The following ROBO1 variants were observed in gnomAD, a reference collection of about 807,000 sequenced individuals.
The protein encoded by ROBO1 is roundabout guidance receptor 1.
Under a neutral mutation model 195.9 loss-of-function variants are expected in ROBO1, and 149 were observed. The observed-to-expected ratio is 0.76, with a 90% CI of 0.67 to 0.87. ROBO1 has a LOEUF of 0.87. Ranked by LOEUF, ROBO1 falls within the 40% of genes least tolerant of loss-of-function variation. The probability of loss-of-function intolerance (pLI) is 0.00; values close to 1 mark genes in which losing one functional copy is unlikely to be tolerated. For synonymous variants in ROBO1, 816 were observed against 733.2 expected (o/e 1.11, Z -1.82); for missense variants, 1,933 against 2,068.3 (o/e 0.93, Z 1.27).
chr3:79,759,952 T>C (rs1207221881), intron 1 of ROBO1, among the ~76,000 whole-genome samples: 2 of 151,796 alleles, frequency 1.3e-5, no homozygotes, highest in East Asian at 3.9e-4. Flanking sequence ...AAAGCAAAAC[T>C]GAGGCGGGGA....
intron 2 of ROBO1, among the ~76,000 whole-genome samples, chr3:79,362,281 T>G (rs2035800786): frequency 6.6e-6 from 1 of 152,136 alleles, no homozygotes; most frequent in Non-Finnish European, 1.5e-5. Context: ...AAGTGCATTT[T>G]CAGTGTCAGG....
intron 4 of ROBO1, chr3:78,937,954 A>T (rs908986907): frequency 1.3e-5 from 2 of 151,320 alleles, no homozygotes; most frequent in Non-Finnish European, 2.9e-5. Context: ...TTTATAGACA[A>T]ATTCTCATAT....
chr3:79,397,654 C>T (rs546882637), intron 2 of ROBO1, among the ~76,000 whole-genome samples: 5 of 152,172 alleles, frequency 3.3e-5, no homozygotes, highest in South Asian at 2.1e-4. Flanking sequence ...CCTATGCAAC[C>T]GATAAGCCTG....
At chr3:79,432,231 A>G (rs115153932) in intron 2 of ROBO1, among the ~76,000 whole-genome samples, 1,617 of 152,182 alleles carry the variant, frequency 0.011, 30 homozygotes, top group African/African-American at 0.037. Flanking sequence ...TCAAGACAAG[A>G]CCCAGGTATA....
intron 4 of ROBO1, among the ~76,000 whole-genome samples, chr3:78,779,902 A>G (rs1254555367): frequency 6.6e-6 from 1 of 152,242 alleles, no homozygotes; most frequent in Middle Eastern, 3.2e-3. Context: ...TGGCACATAT[A>G]CACCATGGAA....
At chr3:78,860,458 C>G (rs916526680) in intron 4 of ROBO1, among the ~76,000 whole-genome samples, 1 of 151,244 alleles carries the variant, frequency 6.6e-6, no homozygotes, top group Non-Finnish European at 1.5e-5. Context: ...TCAGAGGAAA[C>G]ATGGATTTTT....
intron 3 of ROBO1, chr3:79,019,153 G>C (rs371486183): frequency 6.1e-6 from 6 of 986,426 alleles, no homozygotes; most frequent in Admixed American, 6.1e-5. Flanking sequence ...GCGGACACTC[G>C]CACGTCTTCT....
intron 10 of ROBO1, among the ~76,000 whole-genome samples, chr3:78,681,428 C>T (rs2107795436): frequency 6.6e-6 from 1 of 152,240 alleles, no homozygotes; most frequent in East Asian, 1.9e-4. Flanking sequence ...TAGGTCCTGC[C>T]TTCATGGAAC....
At chr3:79,555,014 A>G (rs1183452317) in intron 2 of ROBO1, among the ~76,000 whole-genome samples, 1 of 152,078 alleles carries the variant, frequency 6.6e-6, no homozygotes, top group Non-Finnish European at 1.5e-5. Flanking sequence ...GTAGAGAAAA[A>G]TGTTGAGGTA....
intron 4 of ROBO1, among the ~76,000 whole-genome samples, chr3:78,934,490 C>A (rs2039693348): frequency 6.6e-6 from 1 of 151,660 alleles, no homozygotes; most frequent in African/African-American, 2.4e-5. Context: ...TTTAAAAGAT[C>A]CAATATAAAG....
chr3:79,071,620 T>C (rs965726836), intron 3 of ROBO1, among the ~76,000 whole-genome samples: 1 of 151,732 alleles, frequency 6.6e-6, no homozygotes, highest in African/African-American at 2.4e-5. Context: ...GTGGTTATTT[T>C]TTTAAAAAAT....
intron 3 of ROBO1, among the ~76,000 whole-genome samples, chr3:79,099,640 TATAG>T (rs1309135325): frequency 6.6e-6 from 1 of 151,658 alleles, no homozygotes; most frequent in East Asian, 1.9e-4. Flanking sequence ...CTTTGAAAAA[TATAG>T]ATATATTTCC....
intron 4 of ROBO1, among the ~76,000 whole-genome samples, chr3:78,809,733 CACAGAA>C (rs1271050149): frequency 2.6e-5 from 4 of 152,112 alleles, no homozygotes; most frequent in Admixed American, 6.5e-5. Context: ...AGCAAACTAA[CACAGAA>C]ACAGAAAACC....
chr3:78,778,574 G>A (rs963381335), intron 4 of ROBO1, among the ~76,000 whole-genome samples: 1 of 152,200 alleles, frequency 6.6e-6, no homozygotes, highest in South Asian at 2.1e-4. Flanking sequence ...GGACATGAAG[G>A]ACCTCTTCAA....
chr3:79,602,988 T>A (rs1001693623), intron 1 of ROBO1, among the ~76,000 whole-genome samples: 1 of 152,024 alleles, frequency 6.6e-6, no homozygotes, highest in African/African-American at 2.4e-5. Flanking sequence ...TCTTCAAATG[T>A]ATACACACAT....
chr3:78,624,767 AG>A (rs775369724), intron 26 of ROBO1, among the ~76,000 whole-genome samples: 11 of 152,112 alleles, frequency 7.2e-5, no homozygotes, highest in Non-Finnish European at 1.2e-4. Context: ...GTGTGGTAAC[AG>A]GGATGGGAAC....
At chr3:79,371,806 A>C (rs1259661907) in intron 2 of ROBO1, among the ~76,000 whole-genome samples, 1 of 152,134 alleles carries the variant, frequency 6.6e-6, no homozygotes, top group Non-Finnish European at 1.5e-5. Flanking sequence ...AGTTAAATGG[A>C]TTTATAAGGG....
chr3:78,704,169 T>A lies in ROBO1; in HGVS notation c.1045+10228A>T, dbSNP rs573227978. On this transcript the variant is annotated intron_variant, in intron 8 of 30. Coordinates refer to ENST00000464233, the MANE Select transcript of ROBO1 (RefSeq NM_002941.4). ...GCTTTGACTCAAATAACCACGTTAA[T>A]GGTCAGAAACAATGCACTATTATAT... Among the ~76,000 whole-genome samples, 12 of 152,318 alleles carry A rather than the reference T, an allele frequency of 7.9e-5. No homozygotes were observed. In the East Asian group the frequency reaches 1.9e-3, roughly 24 times the overall value.
At chr3:79,550,195 G>GAAAGAAAGGAAAA in intron 2 of ROBO1, among the ~76,000 whole-genome samples, 35 of 100,836 alleles carry the variant, frequency 3.5e-4, no homozygotes, top group African/African-American at 1.6e-3. Context: ...AAGAAAGAAA[G>GAAAGAAAGGAAAA]GAAAAGAAAA....
Sources: gnomAD v4.1 joint callset for allele counts (sites outside exome capture counted in the v4.1 genomes callset) on GRCh38, gnomAD v4.1.1 for gene constraint, MANE v1.5 for transcripts, NCBI Gene and HGNC (gene_info 2026-07-23, HGNC 2026-07-21) for gene names.